The following FOXP1 variants were observed in gnomAD, a reference collection of about 807,000 sequenced individuals.
The protein encoded by FOXP1 is forkhead box P1.
Under a neutral mutation model 98.2 loss-of-function variants are expected in FOXP1, and 15 were observed. The observed-to-expected ratio is 0.15, with a 90% confidence interval of 0.10 to 0.24. FOXP1 has a LOEUF of 0.24. Ranked by LOEUF, FOXP1 falls within the 10% of genes least tolerant of loss-of-function variation. The pLI is 1.00. For missense variants in FOXP1, 633 were observed against 848.5 expected, an observed-to-expected ratio of 0.75 and a Z score of 3.15; for synonymous variants, 371 against 314.5, an observed-to-expected ratio of 1.18 and a Z score of -1.90.
intron 2 of FOXP1, among the ~76,000 whole-genome samples, chr3:71,523,125 C>T (rs2043114826): frequency 6.6e-6 from 1 of 152,108 alleles, no homozygotes; most frequent in African/African-American, 2.4e-5. Flanking sequence ...CATAGAAAGA[C>T]CACCACAGGG....
At chr3:71,500,584 A>G (rs574665477) in intron 2 of FOXP1, among the ~76,000 whole-genome samples, 27 of 152,248 alleles carry the variant, frequency 1.8e-4, no homozygotes, top group Admixed American at 2.0e-4. Flanking sequence ...ACCATCTTCC[A>G]CTACCATCAT....
intron 7 of FOXP1, among the ~76,000 whole-genome samples, chr3:71,058,092 A>G (rs2050929699): frequency 6.6e-6 from 1 of 151,902 alleles, no homozygotes; most frequent in Admixed American, 6.6e-5. Flanking sequence ...TAAAAAGCAA[A>G]CAAACAAATA....
chr3:71,279,843 G>T (rs888052587), intron 5 of FOXP1, among the ~76,000 whole-genome samples: 3 of 152,048 alleles, frequency 2.0e-5, no homozygotes, highest in African/African-American at 7.2e-5. Flanking sequence ...TAGAATGCAG[G>T]CCAGGCGCGG....
rs565132692 is a variant in FOXP1 at position 71,472,719 on chromosome 3, T to G, written c.-168+20707A>C. On this transcript the variant is annotated intron_variant, in intron 3 of 20. Coordinates refer to ENST00000649528, the MANE Select transcript of FOXP1 (RefSeq NM_001349338.3). ...TGTTAATTTTAACTATTCTAGTCCA[T>G]AAGAGAAGTAGATTAGAATAATGGA... Among the ~76,000 whole-genome samples the G allele has an allele frequency of 7.1e-4, 108 of 152,326 alleles. No individual in the cohort carries two copies. In the South Asian group the frequency reaches 0.02, roughly 28 times the overall value.
intron 7 of FOXP1, among the ~76,000 whole-genome samples, chr3:71,085,889 C>G (rs2055039941): frequency 6.6e-6 from 1 of 151,342 alleles, no homozygotes; most frequent in South Asian, 2.1e-4. Flanking sequence ...GCCACCACAC[C>G]CAGCTATTTT....
chr3:71,176,441 GA>G (rs1355924776), intron 6 of FOXP1, among the ~76,000 whole-genome samples: 3 of 152,190 alleles, frequency 2.0e-5, no homozygotes. Context: ...AGTCAAAGGA[GA>G]CAGCAATCAG....
chr3:71,060,669 A>C (rs1004343626), intron 7 of FOXP1, among the ~76,000 whole-genome samples: 1 of 152,178 alleles, frequency 6.6e-6, no homozygotes, highest in Non-Finnish European at 1.5e-5. Context: ...TCAAGACATC[A>C]AATAGAATTG....
chr3:71,582,313 G>A (rs1168313200), intron 1 of FOXP1: 6 of 971,764 alleles, frequency 6.2e-6, no homozygotes, highest in Non-Finnish European at 6.1e-6. Flanking sequence ...GGGGGCGAGG[G>A]AAGGCGGAGG....
intron 4 of FOXP1, among the ~76,000 whole-genome samples, chr3:71,322,877 A>G (rs1037551825): frequency 6.6e-6 from 1 of 152,174 alleles, no homozygotes; most frequent in Non-Finnish European, 1.5e-5. Flanking sequence ...GGAGATGGAC[A>G]TGAGAACTCT....
Position 71,328,746 on chromosome 3 carries a change from T to C in FOXP1, c.-72-28866A>G, listed in dbSNP as rs1000811912. ...CCAGCACTTTAGGAGGCTGAGGCAGTTGGATCACCGGAGGTTGGGAGTTCA... is the reference window on the plus strand; with the variant it reads ...CCAGCACTTTAGGAGGCTGAGGCAGCTGGATCACCGGAGGTTGGGAGTTCA... On this transcript the variant is annotated intron_variant, in intron 4 of 20. Transcript: ENST00000649528. Among the ~76,000 whole-genome samples, 3 of 151,806 alleles carry C rather than the reference T, an allele frequency of 2.0e-5. No individual in the cohort carries two copies. The East Asian group carries it at 5.8e-4, about 29-fold the overall frequency.
intron 6 of FOXP1, among the ~76,000 whole-genome samples, chr3:71,156,041 C>T (rs2060806730): frequency 6.6e-6 from 1 of 152,206 alleles, no homozygotes; most frequent in South Asian, 2.1e-4. Flanking sequence ...CACTGATTGC[C>T]TGTCTGACAG....
intron 20 of FOXP1, among the ~76,000 whole-genome samples, chr3:70,960,800 G>GA (rs1207360651): frequency 6.6e-6 from 1 of 151,744 alleles, no homozygotes; most frequent in African/African-American, 2.4e-5. Flanking sequence ...GCACAGCCTA[G>GA]AGAGCATTTA....
chr3:71,325,289 G>A (rs2075625606), intron 4 of FOXP1, among the ~76,000 whole-genome samples: 1 of 152,270 alleles, frequency 6.6e-6, no homozygotes, highest in East Asian at 1.9e-4. Flanking sequence ...CTGGCCTCAG[G>A]TGATTTGCCC....
intron 6 of FOXP1, among the ~76,000 whole-genome samples, chr3:71,168,286 GGA>G (rs1459018299): frequency 2.0e-4 from 29 of 145,878 alleles, no homozygotes; most frequent in African/African-American, 6.3e-4. Context: ...TTAACCACAA[GGA>G]ATGAGTTTAA....
At chr3:71,293,668 A>G (rs2072995299) in intron 5 of FOXP1, among the ~76,000 whole-genome samples, 1 of 152,190 alleles carries the variant, frequency 6.6e-6, no homozygotes, top group Non-Finnish European at 1.5e-5. Flanking sequence ...TTCTCTGGAA[A>G]TCAATATTTA....
At chr3:70,961,341 C>G (rs1249973980) in intron 20 of FOXP1, among the ~76,000 whole-genome samples, 1 of 152,102 alleles carries the variant, frequency 6.6e-6, no homozygotes, top group African/African-American at 2.4e-5. Context: ...AGTAATTCTT[C>G]TGGCTCAGCC....
chr3:71,287,709 G>C (rs2072303553), intron 5 of FOXP1, among the ~76,000 whole-genome samples: 1 of 151,872 alleles, frequency 6.6e-6, no homozygotes, highest in Admixed American at 6.6e-5. Context: ...GAACCTGGGA[G>C]GTGGAGGTTG....
intron 14 of FOXP1, among the ~76,000 whole-genome samples, chr3:70,981,904 A>G (rs2038933392): frequency 6.6e-6 from 1 of 152,248 alleles, no homozygotes. Context: ...AAAAAGCTGT[A>G]CACTCCAAAC....
chr3:71,480,295 G>A (rs566524131), intron 3 of FOXP1, among the ~76,000 whole-genome samples: 2 of 152,346 alleles, frequency 1.3e-5, no homozygotes, highest in South Asian at 4.1e-4. Context: ...TGAGCCGAGT[G>A]TCTGGCACAC....
Sources: gnomAD v4.1 joint callset for allele counts (sites outside exome capture counted in the v4.1 genomes callset) on GRCh38, gnomAD v4.1.1 for gene constraint, MANE v1.5 for transcripts, NCBI Gene and HGNC (gene_info 2026-07-23, HGNC 2026-07-21) for gene names.